Variants in DDX1 observed in about 807,000 individuals in gnomAD.
DDX1 encodes the protein ATP-dependent RNA helicase DDX1.
Under a neutral mutation model 108.7 loss-of-function variants are expected in DDX1, and 28 were observed. The observed-to-expected ratio is 0.26, with a 90% CI of 0.19 to 0.35. The LOEUF (loss-of-function observed/expected upper bound fraction) is 0.35. DDX1 is among the 10% of genes least tolerant of loss of function. The probability of loss-of-function intolerance (pLI) is 1.00; values close to 1 mark genes in which losing one functional copy is unlikely to be tolerated. For synonymous variants in DDX1, 295 were observed against 288.9 expected (o/e 1.02, Z -0.21); for missense variants, 710 against 884.5 (o/e 0.80, Z 2.50).
chr2:15,623,546 G>A lies in DDX1; in HGVS notation c.1558G>A (p.Asp520Asn). 1 of 1,613,560 alleles carries A rather than the reference G, an allele frequency of 6.2e-7. No individual in the cohort carries two copies. Among genetic ancestry groups the A allele is most frequent in the Non-Finnish European group, 8.5e-7 (1 of 1,179,648 alleles). Residue 520 changes from aspartate (D) to asparagine (N), a missense_variant, in exon 19 of 26, where the codon GAT becomes AAT. Transcript: ENST00000233084. ...CTTCTGTAGAACCAAAATTGACTGTGATAACTTGGAGCAGTACTTTATACA... is the reference window on the plus strand; with the variant it reads ...CTTCTGTAGAACCAAAATTGACTGTAATAACTTGGAGCAGTACTTTATACA... ...IIFCRTKIDC[D>N]NLEQYFIQQG... is the part of the protein sequence containing the mutation.
At chr2:15,612,908 G>A (rs182435133) in intron 13 of DDX1, among the ~76,000 whole-genome samples, 19,071 of 151,492 alleles carry the variant, frequency 0.13, 1,527 homozygotes, top group East Asian at 0.37. Context: ...TCGGCAAGCT[G>A]AGGCAGGAGA....
chr2:15,597,949 A>G (rs1665527261), intron 5 of DDX1, among the ~76,000 whole-genome samples: 1 of 152,016 alleles, frequency 6.6e-6, no homozygotes. Flanking sequence ...GTTGTTTCTT[A>G]TGTGCAGTCC....
At chr2:15,597,909 C>G (rs1233535590) in intron 5 of DDX1, among the ~76,000 whole-genome samples, 1 of 151,886 alleles carries the variant, frequency 6.6e-6, no homozygotes, top group African/African-American at 2.4e-5. Flanking sequence ...AGAAGGGAAC[C>G]ACCTAGGAAG....
chr2:15,595,041 C>T, intron 1 of DDX1, 104 bp from the exon 2 acceptor site: 1 of 835,406 alleles, frequency 1.2e-6, no homozygotes, highest in East Asian at 2.7e-5. Context: ...TGTAACTGAG[C>T]TATCCTTCAA....
At chr2:15,627,284 C>A in intron 20 of DDX1, 139 bp downstream of exon 20, 1 of 511,344 alleles carries the variant, frequency 2.0e-6, no homozygotes. Context: ...AATGTGTCAT[C>A]ATCATGACAG....
chr2:15,602,579 C>G lies in DDX1; in HGVS notation c.339C>G (p.Ser113Arg). 1.2e-6 allele frequency: 2 copies of G among 1,613,714 alleles called. No individual in the cohort carries two copies. Among genetic ancestry groups the G allele is most frequent in the Non-Finnish European group, 1.7e-6 (2 of 1,179,702 alleles). ...AIGSDGLCCQ[S>R]REVKEWHGCR... is the part of the protein sequence containing the mutation. Reference sequence around the variant, plus strand: ...GGTCAGATGGTCTTTGTTGTCAAAGCAGAGAAGTAAAGGAATGGCATGGGT... The same window carrying G: ...GGTCAGATGGTCTTTGTTGTCAAAGGAGAGAAGTAAAGGAATGGCATGGGT... The change falls in exon 7 of 26, where the codon AGC (serine) becomes AGG (arginine). Residue 113 changes from serine to arginine, a missense_variant. Physicochemically the swap from Ser to Arg is moderately radical, Grantham distance 110. Around this residue, in one of 3 missense-constraint regions of DDX1, gnomAD observed 661 missense variants for 810.2 expected, o/e 0.82. Transcript: ENST00000233084.
Position 15,613,246 on chromosome 2 carries a change from G to A in DDX1, c.979G>A (p.Val327Ile). The change falls in exon 14 of 26, where the codon GTT (valine) becomes ATT (isoleucine). Residue 327 changes from valine to isoleucine, a missense_variant. Physicochemically the swap from Val to Ile is conservative, Grantham distance 29 (BLOSUM62 3). This residue lies in a region of DDX1 where 661 missense variants were observed against 810.2 expected (regional missense o/e 0.82). Coordinates refer to ENST00000233084, the MANE Select transcript of DDX1 (RefSeq NM_004939.3). ...KLRELLIIGG[V>I]AARDQLSVLE... ...CAGGGAGCTTCTGATAATTGGAGGTGTTGCAGCCCGGGATCAGCTCTCTGT... is the reference window on the plus strand; with the variant it reads ...CAGGGAGCTTCTGATAATTGGAGGTATTGCAGCCCGGGATCAGCTCTCTGT... 1.2e-6 allele frequency: 2 copies of A among 1,601,578 alleles called. No individual in the cohort carries two copies. Among genetic ancestry groups the A allele is most frequent in the African/African-American group, 1.4e-5 (1 of 74,026 alleles).
intron 18 of DDX1, among the ~76,000 whole-genome samples, chr2:15,621,871 C>G (rs1417499816): frequency 6.6e-6 from 1 of 152,118 alleles, no homozygotes; most frequent in African/African-American, 2.4e-5. Flanking sequence ...CCAGGCTGGT[C>G]TTGAACTCCT....
At chr2:15,614,887 T>G (rs895321701) in intron 14 of DDX1, among the ~76,000 whole-genome samples, 1 of 152,224 alleles carries the variant, frequency 6.6e-6, no homozygotes, top group African/African-American at 2.4e-5. Context: ...ATTTTTCCCA[T>G]AAGATAATAT....
chr2:15,616,050 G>C (rs1665887949), intron 14 of DDX1, among the ~76,000 whole-genome samples: 1 of 129,050 alleles, frequency 7.7e-6, no homozygotes, highest in Non-Finnish European at 1.6e-5. Flanking sequence ...ACGCCGCCAT[G>C]CCCGGCTAAT....
rs56286669 is a variant in DDX1 at position 15,609,749 on chromosome 2, G to GA, written c.956+2445dup. On this transcript the variant is annotated intron_variant, in intron 13 of 25. Transcript: ENST00000233084. ...GTGGATAAAAGTAAAAGTATTGTTG[G>GA]AAAAAAAAATGATAGTTTAGGACAA... is the stretch of plus-strand genomic sequence containing the variant. Among the ~76,000 whole-genome samples, 20 of 150,678 alleles carry GA rather than the reference G, an allele frequency of 1.3e-4. No homozygotes were observed. In the East Asian group the frequency reaches 1.4e-3, roughly 10 times the overall value.
At chr2:15,624,202 T>C (rs1034537754) in intron 19 of DDX1, among the ~76,000 whole-genome samples, 1 of 152,132 alleles carries the variant, frequency 6.6e-6, no homozygotes, top group Non-Finnish European at 1.5e-5. Flanking sequence ...ATGTGTCAGC[T>C]AAAATATTAA....
chr2:15,621,082 A>G lies in DDX1; in HGVS notation c.1413A>G (p.Ala471=), dbSNP rs1665997252. Residue 471 remains alanine, a synonymous_variant, in exon 18 of 26, where the codon GCA becomes GCG. Transcript: ENST00000233084. The part of the protein sequence containing the change: ...KSHIRTDDVH[A]KDNTRPGANS... ...TTTGATAGACTGATGATGTACATGCAAAAGATAACACAAGACCTGGTGCTA... is the reference window on the plus strand; with the variant it reads ...TTTGATAGACTGATGATGTACATGCGAAAGATAACACAAGACCTGGTGCTA... The G allele has an allele frequency of 1.9e-6, 3 of 1,610,442 alleles. No individual in the cohort carries two copies. Among genetic ancestry groups the G allele is most frequent in the Admixed American group, 3.4e-5 (2 of 59,692 alleles).
chr2:15,616,529 C>G lies in DDX1; in HGVS notation c.1018-715C>G, dbSNP rs767719689. ...TGTACTGGCACCGAGGCTCACTGTT[C>G]TCTTCTATGTATGTTTGAAAAGTTT... is the stretch of plus-strand genomic sequence containing the variant. On this transcript the variant is annotated intron_variant, in intron 14 of 25. Coordinates refer to ENST00000233084, the MANE Select transcript of DDX1 (RefSeq NM_004939.3). Among the ~76,000 whole-genome samples, 16 of 152,196 alleles carry G rather than the reference C, an allele frequency of 1.1e-4. 1 individual carries two copies. Among genetic ancestry groups the G allele is most frequent in the Non-Finnish European group, 2.4e-4 (16 of 68,018 alleles).
chr2:15,623,985 A>G (rs971607617), intron 19 of DDX1, among the ~76,000 whole-genome samples: 1 of 152,178 alleles, frequency 6.6e-6, no homozygotes, highest in African/African-American at 2.4e-5. Context: ...AAAATGAGAA[A>G]AATTATGGTT....
At chr2:15,607,440 T>C in intron 13 of DDX1, 127 bp downstream of exon 13, 1 of 668,942 alleles carries the variant, frequency 1.5e-6, no homozygotes, top group Non-Finnish European at 2.4e-6. Context: ...TGTGAGTATG[T>C]AAATATACTT....
At chr2:15,623,951 CAAG>C (rs759900635) in intron 19 of DDX1, among the ~76,000 whole-genome samples, 35 of 151,716 alleles carry the variant, frequency 2.3e-4, no homozygotes, top group Non-Finnish European at 2.4e-4. Context: ...AAAACCTAAA[CAAG>C]AGCAAGAAAG....
intron 19 of DDX1, among the ~76,000 whole-genome samples, chr2:15,624,873 GT>G (rs2148749229): frequency 6.6e-6 from 1 of 152,280 alleles, no homozygotes; most frequent in Non-Finnish European, 1.5e-5. Flanking sequence ...ATATAAAATG[GT>G]ATGAGCACTT....
intron 6 of DDX1, among the ~76,000 whole-genome samples, chr2:15,601,615 TG>T (rs1665590341): frequency 6.6e-6 from 1 of 152,182 alleles, no homozygotes; most frequent in South Asian, 2.1e-4. Flanking sequence ...CTCCCCTCCC[TG>T]GGCATGACAC....
Sources: allele counts gnomAD v4.1 joint callset (sites outside exome capture counted in the v4.1 genomes callset), GRCh38; gene constraint gnomAD v4.1.1; regional missense constraint gnomAD v4.1.1; transcripts MANE v1.5; gene names NCBI Gene and HGNC (gene_info 2026-07-23, HGNC 2026-07-21).